Variants in NIBAN1 observed in about 807,000 individuals in gnomAD.
NIBAN1 encodes the protein niban apoptosis regulator 1, also known as protein Niban 1.
In NIBAN1, 81 loss-of-function variants were observed where a neutral mutation model predicts 75.1. The observed-to-expected ratio is 1.08, with a 90% CI of 0.90 to 1.30. The LOEUF (loss-of-function observed/expected upper bound fraction) is 1.30, where lower values mean the gene tolerates loss of function less well. Among genes scored for constraint, NIBAN1 ranks in the 50% most tolerant of loss-of-function variants. The probability of loss-of-function intolerance (pLI) is 0.00; values close to 1 mark genes in which losing one functional copy is unlikely to be tolerated. For synonymous variants in NIBAN1, 436 were observed against 424.8 expected, an observed-to-expected ratio of 1.03 and a Z score of -0.32; for missense variants, 1,133 against 1,128.1, an observed-to-expected ratio of 1.00 and a Z score of -0.06.
intron 1 of NIBAN1, among the ~76,000 whole-genome samples, chr1:184,958,398 ACAC>A (rs1344686532): frequency 2.0e-5 from 3 of 151,606 alleles, no homozygotes; most frequent in Non-Finnish European, 4.4e-5. Flanking sequence ...ACACACACAC[ACAC>A]AAATAGCCAA....
intron 1 of NIBAN1, among the ~76,000 whole-genome samples, chr1:184,952,420 G>A (rs192324742): frequency 3.3e-5 from 5 of 152,224 alleles, no homozygotes; most frequent in Admixed American, 3.3e-4. Context: ...AAAAGAAAAA[G>A]AAATAGATGT....
chr1:184,963,019 T>G (rs1487831085), intron 1 of NIBAN1, among the ~76,000 whole-genome samples: 1 of 151,994 alleles, frequency 6.6e-6, no homozygotes, highest in East Asian at 1.9e-4. Flanking sequence ...CCCAATAAAT[T>G]TTTTTTCATT....
At chr1:184,953,827 A>G (rs545001198) in intron 1 of NIBAN1, among the ~76,000 whole-genome samples, 31 of 152,368 alleles carry the variant, frequency 2.0e-4, no homozygotes, top group Non-Finnish European at 2.4e-4. Context: ...GTCAGGAGAC[A>G]TATCTTATGG....
At chr1:184,956,455 T>A (rs1323040373) in intron 1 of NIBAN1, among the ~76,000 whole-genome samples, 2 of 152,214 alleles carry the variant, frequency 1.3e-5, no homozygotes, top group Non-Finnish European at 2.9e-5. Flanking sequence ...CAACCCTGAA[T>A]GTAGGCAACA....
intron 9 of NIBAN1, among the ~76,000 whole-genome samples, chr1:184,811,642 G>A (rs1167991770): frequency 1.3e-5 from 2 of 151,012 alleles, no homozygotes; most frequent in East Asian, 2.0e-4. Flanking sequence ...CAGGCACCCC[G>A]CCACCACGCC....
chr1:184,924,541 A>G (rs1037523615), intron 1 of NIBAN1, among the ~76,000 whole-genome samples: 1 of 152,102 alleles, frequency 6.6e-6, no homozygotes, highest in African/African-American at 2.4e-5. Flanking sequence ...GTGTCAGGTA[A>G]TACTGGCCTC....
chr1:184,891,798 T>C (rs1482599517), intron 3 of NIBAN1, among the ~76,000 whole-genome samples: 1 of 152,198 alleles, frequency 6.6e-6, no homozygotes, highest in African/African-American at 2.4e-5. Context: ...TAATGCATAA[T>C]TCTTAGATAT....
intron 5 of NIBAN1, among the ~76,000 whole-genome samples, chr1:184,861,254 C>T (rs942298928): frequency 4.6e-5 from 7 of 152,324 alleles, no homozygotes; most frequent in African/African-American, 1.2e-4. Context: ...TAATTTGCCA[C>T]GTTCACAGAT....
At position 184,894,173 on chromosome 1, in the gene NIBAN1, C is replaced by T; in HGVS notation, c.220G>A (p.Ala74Thr). Residue 74 changes from alanine (A) to threonine (T), a missense_variant, in exon 3 of 14, where the codon GCA (alanine) becomes ACA (threonine). Ala to Thr is a moderately conservative substitution (Grantham distance 58). Transcript: ENST00000367511. The part of the protein sequence containing the change: ...PLAPGTILYE[A>T]ELSQFSEDIK... Reference sequence around the variant, plus strand: ...TCTTCAGAAAATTGTGATAGCTCTGCTTCATACAAAATAGTTCCAGGCGCC... The same window carrying T: ...TCTTCAGAAAATTGTGATAGCTCTGTTTCATACAAAATAGTTCCAGGCGCC... The T allele has an allele frequency of 1.9e-6, 3 of 1,611,858 alleles. No individual in the cohort carries two copies. The highest frequency in any genetic ancestry group is 2.5e-6 in the Non-Finnish European group (3 of 1,179,198).
intron 2 of NIBAN1, 103 bp downstream of exon 2, chr1:184,899,076 T>G: frequency 7.2e-7 from 1 of 1,379,946 alleles, no homozygotes; most frequent in Non-Finnish European, 1.0e-6. Context: ...AGAGCAGAGT[T>G]TTTAAAACTG....
intron 1 of NIBAN1, among the ~76,000 whole-genome samples, chr1:184,913,137 G>GTATATATATATATATATTT (rs1553227232): frequency 9.1e-6 from 1 of 109,750 alleles, no homozygotes; most frequent in African/African-American, 3.4e-5. Flanking sequence ...TATCATGCAG[G>GTATATATATATATATATTT]TATATATATA....
intron 2 of NIBAN1, 41 bp from the exon 3 acceptor site, chr1:184,894,247 T>C (rs751898857): frequency 9.0e-6 from 14 of 1,549,352 alleles, no homozygotes; most frequent in Non-Finnish European, 1.2e-5. Flanking sequence ...CAACAAAAGA[T>C]AACACACCTT....
chr1:184,863,226 C>A (rs1020214489), intron 5 of NIBAN1, among the ~76,000 whole-genome samples: 3 of 152,178 alleles, frequency 2.0e-5, no homozygotes, highest in African/African-American at 7.2e-5. Context: ...CTCAGTTGGT[C>A]TTATCTTCCT....
At chr1:184,942,321 G>C (rs933939011) in intron 1 of NIBAN1, among the ~76,000 whole-genome samples, 3 of 152,244 alleles carry the variant, frequency 2.0e-5, no homozygotes, top group African/African-American at 4.8e-5. Flanking sequence ...CAATTTAAAA[G>C]AGATGCAATC....
chr1:184,958,509 C>T (rs1348595326), intron 1 of NIBAN1, among the ~76,000 whole-genome samples: 1 of 152,192 alleles, frequency 6.6e-6, no homozygotes, highest in African/African-American at 2.4e-5. Context: ...AATCCTATCA[C>T]GCTGATACTC....
intron 1 of NIBAN1, among the ~76,000 whole-genome samples, chr1:184,974,074 C>T (rs1023986614): frequency 1.3e-5 from 2 of 152,142 alleles, no homozygotes; most frequent in African/African-American, 4.8e-5. Context: ...TCCCCACCCG[C>T]ATCCTGCACC....
rs1653746779 is a variant in NIBAN1, at chr1:184,793,356, G to C, written c.*1621C>G. ...GGATCGCTTGAAATCAGGAGTTTGA[G>C]ACCAGCCTGGCCAACATGGTGAAAA... is the stretch of plus-strand genomic sequence containing the variant. On this transcript the variant is annotated 3_prime_UTR_variant, in exon 14 of 14. Coordinates refer to ENST00000367511, the MANE Select transcript of NIBAN1 (RefSeq NM_052966.4). 6.6e-6 allele frequency: 1 copy of C among 152,118 alleles called. No homozygotes were observed. The highest frequency in any genetic ancestry group is 1.5e-5 in the Non-Finnish European group (1 of 68,050). 9.4% of individuals were successfully genotyped at this position (152,118 alleles called of 1,614,324 possible). A position where few individuals can be genotyped will look rare whatever the true frequency, so the allele number is the denominator to read the frequency against.
At chr1:184,831,709 A>G (rs1455521335) in intron 6 of NIBAN1, 138 bp downstream of exon 6, 2 of 649,694 alleles carry the variant, frequency 3.1e-6, no homozygotes, top group African/African-American at 1.8e-5. Context: ...GCTTGCAGAC[A>G]TGAGAGAGAT....
At chr1:184,805,418 AATATAAC>A (rs1654168175) in intron 11 of NIBAN1, among the ~76,000 whole-genome samples, 2 of 152,332 alleles carry the variant, frequency 1.3e-5, no homozygotes, top group Non-Finnish European at 2.9e-5. Context: ...GAGGCTTTAA[AATATAAC>A]ATATATGTGA....
Sources: allele counts gnomAD v4.1 joint callset (sites outside exome capture counted in the v4.1 genomes callset), GRCh38; gene constraint gnomAD v4.1.1; transcripts MANE v1.5; gene names NCBI Gene and HGNC (gene_info 2026-07-23, HGNC 2026-07-21).